The following GRID2 variants were observed in gnomAD, a reference collection of about 807,000 sequenced individuals.
GRID2 encodes glutamate ionotropic receptor delta type subunit 2.
In GRID2, 33 loss-of-function variants were observed where a neutral mutation model predicts 114.8. That is an observed-to-expected ratio of 0.29 (90% CI 0.22 to 0.38). The LOEUF is 0.38. Among genes scored for constraint, GRID2 ranks in the 10% least tolerant of loss-of-function variants. The pLI, the probability that GRID2 is intolerant of heterozygous loss-of-function variation, is 1.00. For synonymous variants in GRID2, 505 were observed against 449.9 expected, an observed-to-expected ratio of 1.12 and a Z score of -1.55; for missense variants, 1,184 against 1,257.7, an observed-to-expected ratio of 0.94 and a Z score of 0.89.
At chr4:92,428,187 G>A (rs1310985990) in intron 1 of GRID2, among the ~76,000 whole-genome samples, 2 of 151,998 alleles carry the variant, frequency 1.3e-5, no homozygotes, top group African/African-American at 2.4e-5. Context: ...GCATGAACCC[G>A]GGAGGCGGAG....
intron 4 of GRID2, among the ~76,000 whole-genome samples, chr4:93,143,543 A>C (rs1299564696): frequency 1.3e-5 from 2 of 152,226 alleles, no homozygotes; most frequent in African/African-American, 4.8e-5. Context: ...TCTTCAGCCA[A>C]GAAGTTTGAA....
chr4:93,596,513 G>A (rs1447839885), intron 13 of GRID2, among the ~76,000 whole-genome samples: 1 of 152,152 alleles, frequency 6.6e-6, no homozygotes, highest in Non-Finnish European at 1.5e-5. Flanking sequence ...GGGAGGCGGA[G>A]CATGCGGTGA....
At chr4:92,443,534 G>C (rs534488834) in intron 1 of GRID2, among the ~76,000 whole-genome samples, 2 of 152,116 alleles carry the variant, frequency 1.3e-5, no homozygotes, top group South Asian at 4.2e-4. Flanking sequence ...GGGAAAAGGG[G>C]TTGGGGCACA....
intron 9 of GRID2, among the ~76,000 whole-genome samples, chr4:93,404,324 A>G (rs776213141): frequency 6.6e-6 from 1 of 152,154 alleles, no homozygotes; most frequent in Non-Finnish European, 1.5e-5. Flanking sequence ...TGATGATTGC[A>G]CATATTTGCG....
chr4:93,514,403 G>A (rs867120903), intron 12 of GRID2, among the ~76,000 whole-genome samples: 2 of 139,526 alleles, frequency 1.4e-5, no homozygotes, highest in African/African-American at 2.7e-5. Context: ...AATAGAAATC[G>A]CTCCCCCCAC....
chr4:92,923,602 A>G (rs72665214), intron 2 of GRID2, among the ~76,000 whole-genome samples: 3,160 of 152,308 alleles, frequency 0.021, 44 homozygotes, highest in Middle Eastern at 0.044. Flanking sequence ...AGCCAACCAA[A>G]AATGACAAAA....
intron 2 of GRID2, among the ~76,000 whole-genome samples, chr4:92,744,661 T>G (rs1737060983): frequency 6.6e-6 from 1 of 152,132 alleles, no homozygotes; most frequent in South Asian, 2.1e-4. Flanking sequence ...TGCACTTTTC[T>G]AGTGTTTCTC....
chr4:93,025,801 A>G (rs992661630), intron 2 of GRID2, among the ~76,000 whole-genome samples: 2 of 151,678 alleles, frequency 1.3e-5, no homozygotes, highest in African/African-American at 4.8e-5. Flanking sequence ...CATTTACTGA[A>G]ATTTGAACCA....
intron 8 of GRID2, among the ~76,000 whole-genome samples, chr4:93,381,026 C>T (rs555940364): frequency 6.6e-6 from 1 of 151,956 alleles, no homozygotes; most frequent in Non-Finnish European, 1.5e-5. Flanking sequence ...CCTCTAATTA[C>T]TCAATATTCT....
At chr4:92,765,089 G>A (rs1738196976) in intron 2 of GRID2, among the ~76,000 whole-genome samples, 1 of 151,962 alleles carries the variant, frequency 6.6e-6, no homozygotes, top group African/African-American at 2.4e-5. Flanking sequence ...CTAAATGATA[G>A]TTTTTATTCT....
intron 2 of GRID2, among the ~76,000 whole-genome samples, chr4:92,683,312 T>G (rs1015929144): frequency 1.3e-5 from 2 of 151,892 alleles, no homozygotes; most frequent in Admixed American, 6.6e-5. Context: ...AAAAAAAAAT[T>G]GTAGTTAATA....
At chr4:93,453,349 AGAGAGAGAGAGT>A (rs1284421682) in intron 10 of GRID2, among the ~76,000 whole-genome samples, 80 of 112,430 alleles carry the variant, frequency 7.1e-4, no homozygotes, top group African/African-American at 1.4e-3. Context: ...AGAGAGAGAG[AGAGAGAGAGAGT>A]GTGTGTATTT....
intron 14 of GRID2, among the ~76,000 whole-genome samples, chr4:93,699,980 C>T (rs1417595334): frequency 2.0e-5 from 3 of 152,032 alleles, no homozygotes; most frequent in Non-Finnish European, 4.4e-5. Context: ...TCTCATTCAA[C>T]TAGACAAAAT....
intron 2 of GRID2, among the ~76,000 whole-genome samples, chr4:92,983,679 G>GAA (rs1424997539): frequency 6.6e-6 from 1 of 151,840 alleles, no homozygotes; most frequent in Non-Finnish European, 1.5e-5. Flanking sequence ...CTTTAAGATG[G>GAA]AAAACACCTA....
intron 4 of GRID2, among the ~76,000 whole-genome samples, chr4:93,131,185 C>G (rs543437345): frequency 9.8e-6 from 1 of 102,414 alleles, no homozygotes; most frequent in Non-Finnish European, 1.8e-5. Context: ...GATGGAGTCT[C>G]GCTGTGTCAC....
chr4:93,444,869 C>A (rs566896981), intron 10 of GRID2, among the ~76,000 whole-genome samples: 1 of 152,006 alleles, frequency 6.6e-6, no homozygotes, highest in Non-Finnish European at 1.5e-5. Flanking sequence ...TCTAAAAGAA[C>A]TTTTTCAATC....
At chr4:93,592,459 G>A (rs1212800524) in intron 13 of GRID2, among the ~76,000 whole-genome samples, 1 of 152,078 alleles carries the variant, frequency 6.6e-6, no homozygotes, top group East Asian at 1.9e-4. Context: ...CATTTGCTGA[G>A]GAGTGCTTTA....
chr4:92,763,791 A>G lies in GRID2; in HGVS notation c.244+173505A>G, dbSNP rs745515827. ...AACACAGTGAAAGAGGGAGAGAGTT[A>G]GTAGATGAGGCTAAATCACAAAGGG... On this transcript the variant is annotated intron_variant, in intron 2 of 15. Coordinates refer to ENST00000282020, the MANE Select transcript of GRID2 (RefSeq NM_001510.4). Among the ~76,000 whole-genome samples, 43 of 152,324 alleles carry G rather than the reference A, an allele frequency of 2.8e-4. 1 individual carries two copies. The highest frequency in any genetic ancestry group is 5.2e-4 in the Admixed American group (8 of 15,300).
At chr4:93,685,356 C>T (rs960296647) in intron 14 of GRID2, among the ~76,000 whole-genome samples, 1 of 152,032 alleles carries the variant, frequency 6.6e-6, no homozygotes, top group Non-Finnish European at 1.5e-5. Flanking sequence ...TGTCTCTTCC[C>T]TTCTAGCTCA....
Sources: gnomAD v4.1 joint callset for allele counts (sites outside exome capture counted in the v4.1 genomes callset) on GRCh38, gnomAD v4.1.1 for gene constraint, MANE v1.5 for transcripts, NCBI Gene and HGNC (gene_info 2026-07-23, HGNC 2026-07-21) for gene names.